Variants in MTUS2 observed in about 807,000 individuals in gnomAD.
MTUS2 encodes the protein microtubule-associated tumor suppressor candidate 2.
Under a neutral mutation model 114.1 loss-of-function variants are expected in MTUS2, and 40 were observed. That is an observed-to-expected ratio of 0.35 (90% CI 0.27 to 0.46). The LOEUF (loss-of-function observed/expected upper bound fraction) is 0.46. Ranked by LOEUF, MTUS2 falls within the 20% of genes least tolerant of loss-of-function variation. The pLI, the probability that MTUS2 is intolerant of heterozygous loss-of-function variation, is 1.00. For missense variants in MTUS2, 1,679 were observed against 1,705.4 expected, an observed-to-expected ratio of 0.98 and a Z score of 0.27; for synonymous variants, 688 against 672.0, an observed-to-expected ratio of 1.02 and a Z score of -0.37.
chr13:28,878,906 A>G (rs372017925), intron 2 of MTUS2, among the ~76,000 whole-genome samples: 150 of 152,334 alleles, frequency 9.8e-4, no homozygotes, highest in African/African-American at 3.5e-3. Flanking sequence ...GAATCGCCAC[A>G]CTGTCTTCTG....
intron 2 of MTUS2, among the ~76,000 whole-genome samples, chr13:28,948,862 C>A (rs1385058655): frequency 2.6e-5 from 4 of 152,162 alleles, no homozygotes; most frequent in Admixed American, 2.0e-4. Flanking sequence ...GTTCAGATCT[C>A]AAGTACGGGT....
chr13:29,469,318 C>T (rs1317617118), intron 9 of MTUS2, among the ~76,000 whole-genome samples: 1 of 152,090 alleles, frequency 6.6e-6, no homozygotes, highest in East Asian at 1.9e-4. Context: ...CAGGATTCAG[C>T]GTACAGTAAA....
At chr13:29,023,015 A>C (rs944995387) in intron 2 of MTUS2, among the ~76,000 whole-genome samples, 4 of 152,196 alleles carry the variant, frequency 2.6e-5, no homozygotes, top group African/African-American at 9.7e-5. Flanking sequence ...TAATTCTTCA[A>C]AGTGAAAATA....
chr13:29,026,424 G>A lies in MTUS2; in HGVS notation c.1726G>A (p.Asp576Asn), dbSNP rs1171335452. ...GSPLVVPPPT[D>N]SARLLNTSPK... is the part of the protein sequence containing the mutation. ...CCCCTTGGTAGTTCCACCCCCTACTGATAGTGCACGCTTGTTGAACACGTC... is the reference window on the plus strand; with the variant it reads ...CCCCTTGGTAGTTCCACCCCCTACTAATAGTGCACGCTTGTTGAACACGTC... Residue 576 changes from aspartate to asparagine, a missense_variant, in exon 3 of 16, where the codon GAT becomes AAT. Asp to Asn is a conservative substitution (Grantham distance 23). Coordinates refer to ENST00000612955, the MANE Select transcript of MTUS2 (RefSeq NM_001033602.4). The A allele has an allele frequency of 6.2e-7, 1 of 1,613,834 alleles. No homozygotes were observed. Among genetic ancestry groups the A allele is most frequent in the Non-Finnish European group, 8.5e-7 (1 of 1,179,894 alleles).
intron 2 of MTUS2, among the ~76,000 whole-genome samples, chr13:28,886,331 G>A (rs1291479832): frequency 6.6e-6 from 1 of 152,174 alleles, no homozygotes; most frequent in Non-Finnish European, 1.5e-5. Context: ...GAGCAGGGAG[G>A]CAGGTTCAAA....
intron 5 of MTUS2, among the ~76,000 whole-genome samples, chr13:29,155,922 T>C (rs1338760873): frequency 1.3e-5 from 2 of 152,094 alleles, no homozygotes; most frequent in African/African-American, 4.8e-5. Context: ...ACAACTAGTA[T>C]AGCACAGATA....
At chr13:29,243,881 G>T (rs61948172) in intron 5 of MTUS2, among the ~76,000 whole-genome samples, 17,395 of 152,234 alleles carry the variant, frequency 0.11, 1,316 homozygotes, top group Middle Eastern at 0.16. Flanking sequence ...GGGTTGAAAA[G>T]CACTGGGATA....
At chr13:28,913,616 G>A (rs1336927626) in intron 2 of MTUS2, among the ~76,000 whole-genome samples, 2 of 152,120 alleles carry the variant, frequency 1.3e-5, no homozygotes, top group African/African-American at 2.4e-5. Flanking sequence ...GTATCAGGAT[G>A]ATGCTGGCCT....
At chr13:29,012,276 C>T (rs1008572421) in intron 2 of MTUS2, among the ~76,000 whole-genome samples, 1 of 152,122 alleles carries the variant, frequency 6.6e-6, no homozygotes, top group Non-Finnish European at 1.5e-5. Flanking sequence ...CCGTGCTGCC[C>T]TTTCAGTTTG....
intron 2 of MTUS2, among the ~76,000 whole-genome samples, chr13:28,865,814 A>G (rs1216609078): frequency 1.3e-5 from 2 of 152,146 alleles, no homozygotes; most frequent in Admixed American, 1.3e-4. Flanking sequence ...TTGACTGGCC[A>G]CACTAGAGTC....
chr13:28,907,644 A>C (rs932974294), intron 2 of MTUS2, among the ~76,000 whole-genome samples: 2 of 151,498 alleles, frequency 1.3e-5, no homozygotes, highest in African/African-American at 4.9e-5. Context: ...CAAAGATCAA[A>C]AGAGACAAAG....
At chr13:29,046,543 G>A (rs1316434515) in intron 4 of MTUS2, among the ~76,000 whole-genome samples, 1 of 152,190 alleles carries the variant, frequency 6.6e-6, no homozygotes, top group African/African-American at 2.4e-5. Context: ...CCATCTGCCT[G>A]TTCTCTTTTT....
intron 5 of MTUS2, among the ~76,000 whole-genome samples, chr13:29,104,154 T>C (rs376045949): frequency 4.6e-5 from 7 of 152,212 alleles, no homozygotes; most frequent in African/African-American, 1.7e-4. Flanking sequence ...GCTTTCTAAG[T>C]CAGGTGCTCT....
At chr13:29,181,744 T>C (rs921013659) in intron 5 of MTUS2, among the ~76,000 whole-genome samples, 9 of 152,098 alleles carry the variant, frequency 5.9e-5, no homozygotes, top group Non-Finnish European at 1.3e-4. Flanking sequence ...GAAATTTCTG[T>C]TATATGTAGA....
At chr13:29,387,266 C>T (rs3121748) in intron 8 of MTUS2, among the ~76,000 whole-genome samples, 95,109 of 152,116 alleles carry the variant, frequency 0.63, 30,527 homozygotes, top group Admixed American at 0.73. Flanking sequence ...GAAGTGACCA[C>T]TGAGCTGAGA....
intron 2 of MTUS2, among the ~76,000 whole-genome samples, chr13:28,970,772 A>G (rs1262159258): frequency 1.3e-5 from 2 of 152,140 alleles, no homozygotes; most frequent in Non-Finnish European, 2.9e-5. Context: ...CAGCCTGCAA[A>G]CCTATACAGT....
chr13:29,470,217 C>T (rs1333913297), intron 9 of MTUS2, among the ~76,000 whole-genome samples: 1 of 152,182 alleles, frequency 6.6e-6, no homozygotes, highest in Non-Finnish European at 1.5e-5. Flanking sequence ...TAACTCAGTA[C>T]TGTATAAAAT....
In MTUS2 at chr13:29,389,551, A is replaced by G. The variant is rs1566173532; in HGVS notation, c.3117+30078A>G. Among the ~76,000 whole-genome samples, 3 of 82,604 alleles carry G rather than the reference A, an allele frequency of 3.6e-5. 1 individual carries two copies. In the Admixed American group the frequency reaches 4.3e-4, roughly 12 times the overall value. The allele number at this position is 82,604 out of a possible 152,430, so 54.2% of individuals were successfully genotyped here. On this transcript the variant is annotated intron_variant, in intron 8 of 15. Transcript: ENST00000612955. ...TATGTATACACGTGTGTATATGTATACACGTGTGTATATGTGTACATATGT... is the reference window on the plus strand; with the variant it reads ...TATGTATACACGTGTGTATATGTATGCACGTGTGTATATGTGTACATATGT...
intron 4 of MTUS2, among the ~76,000 whole-genome samples, chr13:29,071,409 ATTTTTTTTTTTTTTT>A (rs751020009): frequency 2.8e-4 from 13 of 46,080 alleles, no homozygotes; most frequent in African/African-American, 9.9e-4. Flanking sequence ...TGTTGCTTGA[ATTTTTTTTTTTTTTT>A]TTTTTTTTTT....
Sources: gnomAD v4.1 joint callset for allele counts (sites outside exome capture counted in the v4.1 genomes callset) on GRCh38, gnomAD v4.1.1 for gene constraint, MANE v1.5 for transcripts, NCBI Gene and HGNC (gene_info 2026-07-23, HGNC 2026-07-21) for gene names.